The following CPQ variants were observed in gnomAD, a reference collection of about 807,000 sequenced individuals.
CPQ encodes carboxypeptidase Q, also known as Ser-Met dipeptidase.
CPQ carries 37 observed loss-of-function variants against 45.7 expected under a neutral mutation model. The ratio of observed to expected loss-of-function variants is 0.81; its 90% CI spans 0.62 to 1.07. CPQ has a LOEUF of 1.07. Ranked by LOEUF, CPQ falls within the 50% of genes least tolerant of loss-of-function variation. CPQ has a pLI of 0.00. For missense variants in CPQ, 537 were observed against 572.9 expected, an observed-to-expected ratio of 0.94 and a Z score of 0.64; for synonymous variants, 186 against 205.8, an observed-to-expected ratio of 0.90 and a Z score of 0.82.
intron 4 of CPQ, among the ~76,000 whole-genome samples, chr8:96,937,296 T>G (rs1321727176): frequency 6.6e-6 from 1 of 151,996 alleles, no homozygotes; most frequent in Non-Finnish European, 1.5e-5. Flanking sequence ...AAGGACAAGT[T>G]GAGTTAGCCA....
At chr8:96,813,887 C>T (rs940437036) in intron 2 of CPQ, among the ~76,000 whole-genome samples, 3 of 152,080 alleles carry the variant, frequency 2.0e-5, no homozygotes, top group Admixed American at 1.3e-4. Flanking sequence ...GTGACGGACA[C>T]TTATCTTCCA....
chr8:96,775,129 G>A (rs757036354), intron 1 of CPQ, among the ~76,000 whole-genome samples: 10 of 152,108 alleles, frequency 6.6e-5, no homozygotes, highest in Admixed American at 1.3e-4. Context: ...ACTGGGTCAC[G>A]AGGCCTCCTC....
chr8:96,927,777 C>T (rs1812912127), intron 4 of CPQ, among the ~76,000 whole-genome samples: 1 of 152,144 alleles, frequency 6.6e-6, no homozygotes, highest in Non-Finnish European at 1.5e-5. Flanking sequence ...TTTTATACTC[C>T]AGGAACCAAG....
At chr8:96,759,391 G>C (rs1485109760) in intron 1 of CPQ, among the ~76,000 whole-genome samples, 1 of 152,030 alleles carries the variant, frequency 6.6e-6, no homozygotes, top group Non-Finnish European at 1.5e-5. Context: ...ACCCTTCTTC[G>C]AAGTGTGATT....
chr8:96,838,025 C>T (rs1811554306), intron 3 of CPQ, among the ~76,000 whole-genome samples: 1 of 152,140 alleles, frequency 6.6e-6, no homozygotes, highest in Admixed American at 6.6e-5. Flanking sequence ...TATGCTTTCT[C>T]CTCTGCAACC....
intron 1 of CPQ, among the ~76,000 whole-genome samples, chr8:96,745,061 G>A (rs1810156658): frequency 6.6e-6 from 1 of 152,182 alleles, no homozygotes; most frequent in Non-Finnish European, 1.5e-5. Flanking sequence ...TGTAATCCCA[G>A]CACTTTGGGA....
chr8:97,080,860 A>G (rs1810935236), intron 7 of CPQ, among the ~76,000 whole-genome samples: 1 of 152,080 alleles, frequency 6.6e-6, no homozygotes, highest in Admixed American at 6.6e-5. Flanking sequence ...TCCGTTGCCT[A>G]TCATAGGACG....
intron 4 of CPQ, among the ~76,000 whole-genome samples, chr8:96,891,245 G>A (rs539146797): frequency 5.5e-4 from 84 of 152,288 alleles, no homozygotes; most frequent in African/African-American, 1.9e-3. Flanking sequence ...GAAGCATTGC[G>A]TGCAGAATGG....
chr8:97,124,600 G>C (rs1167432511), intron 7 of CPQ, among the ~76,000 whole-genome samples: 1 of 152,074 alleles, frequency 6.6e-6, no homozygotes, highest in Non-Finnish European at 1.5e-5. Context: ...CATGGAATTG[G>C]GTAAGAAGTC....
At chr8:96,827,270 G>C (rs1397343086) in intron 2 of CPQ, among the ~76,000 whole-genome samples, 1 of 151,894 alleles carries the variant, frequency 6.6e-6, no homozygotes, top group African/African-American at 2.4e-5. Context: ...TTCTTCTGCT[G>C]TTTTTTTCTC....
chr8:97,022,486 A>G (rs1368670054), intron 5 of CPQ, among the ~76,000 whole-genome samples: 1 of 152,220 alleles, frequency 6.6e-6, no homozygotes, highest in Non-Finnish European at 1.5e-5. Flanking sequence ...TATACATCTG[A>G]CAAAGGACTA....
chr8:96,748,878 T>C (rs991473032), intron 1 of CPQ, among the ~76,000 whole-genome samples: 2 of 152,194 alleles, frequency 1.3e-5, no homozygotes, highest in African/African-American at 4.8e-5. Context: ...GTTCTCTTTC[T>C]GGAATGCCTT....
intron 5 of CPQ, among the ~76,000 whole-genome samples, chr8:96,976,822 A>T (rs756094829): frequency 2.0e-5 from 3 of 152,122 alleles, no homozygotes; most frequent in Non-Finnish European, 4.4e-5. Context: ...CTGGATCCTC[A>T]TCTCTTACCT....
chr8:97,084,843 T>C (rs1385574273), intron 7 of CPQ, among the ~76,000 whole-genome samples: 1 of 152,076 alleles, frequency 6.6e-6, no homozygotes, highest in Admixed American at 6.6e-5. Context: ...TGTGTCTCTC[T>C]GTGTGTATGT....
chr8:97,122,975 A>AT lies in CPQ; in HGVS notation c.1256-20044dup, dbSNP rs1563586907. On this transcript the variant is annotated intron_variant, in intron 7 of 7. Transcript: ENST00000220763. ...ATAAAATAAAATAAAATAAAATAAA[A>AT]TAAAATTAAAATAAAATAAAATAAA... Among the ~76,000 whole-genome samples the AT allele has an allele frequency of 9.0e-4, 72 of 80,288 alleles. 1 individual carries two copies. Among genetic ancestry groups the AT allele is most frequent in the Non-Finnish European group, 1.2e-3 (58 of 47,542 alleles). The allele number at this position is 80,288 out of a possible 152,430, so 52.7% of individuals were successfully genotyped here. A position where few individuals can be genotyped will look rare whatever the true frequency, so the allele number is the denominator to read the frequency against.
chr8:96,680,968 T>A (rs1447211719), intron 1 of CPQ, among the ~76,000 whole-genome samples: 4 of 152,126 alleles, frequency 2.6e-5, no homozygotes, highest in Admixed American at 6.5e-5. Context: ...AAAGAGATGA[T>A]TTAGGGTATC....
At chr8:96,796,664 C>T (rs935811152) in intron 2 of CPQ, among the ~76,000 whole-genome samples, 5 of 152,098 alleles carry the variant, frequency 3.3e-5, no homozygotes, top group African/African-American at 4.8e-5. Flanking sequence ...TGTCATTATT[C>T]GAAGATTGGT....
chr8:96,742,426 T>C (rs1810106117), intron 1 of CPQ, among the ~76,000 whole-genome samples: 2 of 152,246 alleles, frequency 1.3e-5, no homozygotes, highest in Non-Finnish European at 2.9e-5. Context: ...TGACTCTTTA[T>C]CCAATTTGCC....
At chr8:96,879,475 T>C (rs2130880662) in intron 3 of CPQ, among the ~76,000 whole-genome samples, 1 of 152,320 alleles carries the variant, frequency 6.6e-6, no homozygotes, top group Middle Eastern at 3.4e-3. Flanking sequence ...CTTGTCTCCT[T>C]GTACAGATGT....
Sources: allele counts gnomAD v4.1 joint callset (sites outside exome capture counted in the v4.1 genomes callset), GRCh38; gene constraint gnomAD v4.1.1; transcripts MANE v1.5; gene names NCBI Gene and HGNC (gene_info 2026-07-23, HGNC 2026-07-21).